N4BP2: variants seen among roughly 807,000 people sequenced by gnomAD.
N4BP2 encodes NEDD4-binding protein 2.
A neutral mutation model predicts 152.8 loss-of-function variants in N4BP2; 91 were observed. The observed-to-expected ratio is 0.60, with a 90% CI of 0.50 to 0.71. N4BP2 has a LOEUF of 0.71. N4BP2 is among the 30% of genes least tolerant of loss of function. N4BP2 has a pLI of 0.00. For missense variants in N4BP2, 1,923 were observed against 2,059.1 expected (o/e 0.93, Z 1.28); for synonymous variants, 646 against 705.3 (o/e 0.92, Z 1.33).
intron 4 of N4BP2, among the ~76,000 whole-genome samples, chr4:40,104,203 C>T (rs1322821313): frequency 4.0e-5 from 6 of 151,790 alleles, no homozygotes; most frequent in Non-Finnish European, 8.8e-5. Flanking sequence ...CCACCCGCCC[C>T]GGCCTCCCAA....
chr4:40,141,416 G>A (rs1719944542), intron 14 of N4BP2, among the ~76,000 whole-genome samples: 4 of 151,454 alleles, frequency 2.6e-5, no homozygotes, highest in African/African-American at 2.4e-5. Context: ...ACGGGGTCGC[G>A]GCCGGGTAGA....
chr4:40,145,373 G>A (rs1020648955), intron 16 of N4BP2, among the ~76,000 whole-genome samples: 1 of 152,110 alleles, frequency 6.6e-6, no homozygotes, highest in African/African-American at 2.4e-5. Context: ...ACAGGCGGGT[G>A]TCACCAAGCC....
intron 2 of N4BP2, among the ~76,000 whole-genome samples, chr4:40,085,202 C>T (rs1459559848): frequency 1.3e-5 from 2 of 152,088 alleles, no homozygotes; most frequent in Non-Finnish European, 2.9e-5. Flanking sequence ...TGAGCTACCA[C>T]ACCCGGCCAA....
intron 1 of N4BP2, among the ~76,000 whole-genome samples, chr4:40,062,484 T>TA (rs201450840): frequency 1.3e-5 from 2 of 152,058 alleles, no homozygotes; most frequent in African/African-American, 4.8e-5. Flanking sequence ...GTAGCTAGAG[T>TA]AATCTGTCTA....
chr4:40,087,415 G>A (rs1275238872), intron 2 of N4BP2, among the ~76,000 whole-genome samples: 1 of 152,032 alleles, frequency 6.6e-6, no homozygotes, highest in Admixed American at 6.6e-5. Flanking sequence ...CTAGGCTGGA[G>A]AGCAGTGGCT....
chr4:40,150,173 TA>T (rs1721011845), intron 16 of N4BP2, among the ~76,000 whole-genome samples: 3 of 152,200 alleles, frequency 2.0e-5, no homozygotes, highest in Non-Finnish European at 4.4e-5. Context: ...ATGAATTTTT[TA>T]AAAAAGAGAG....
the N4BP2 span, among the ~76,000 whole-genome samples, chr4:40,179,046 C>T: frequency 6.6e-6 from 1 of 152,024 alleles, no homozygotes; most frequent in Admixed American, 6.6e-5. Flanking sequence ...ATTTGTGGAG[C>T]ATTTATTTAT....
Position 40,065,971 on chromosome 4 carries a change from G to A in N4BP2, c.-211-7484G>A, listed in dbSNP as rs1170555485. Among the ~76,000 whole-genome samples the A allele has an allele frequency of 3.3e-5, 5 of 151,694 alleles. No individual in the cohort carries two copies. The East Asian group carries it at 7.8e-4, about 24-fold the overall frequency. On this transcript the variant is annotated intron_variant, in intron 1 of 17. Transcript: ENST00000261435. ...TCTTGAGATGGAGTCTAGATCTGTC[G>A]ACAGGCTGGAGTGCAGTGGCGTGAT... is the stretch of plus-strand genomic sequence containing the variant.
intron 13 of N4BP2, among the ~76,000 whole-genome samples, chr4:40,135,189 A>C (rs968180003): frequency 2.7e-5 from 4 of 148,716 alleles, no homozygotes; most frequent in African/African-American, 9.9e-5. Flanking sequence ...ATGAGTGAGA[A>C]TATACGGTGT....
At chr4:40,086,972 C>A (rs1291909986) in intron 2 of N4BP2, among the ~76,000 whole-genome samples, 1 of 152,060 alleles carries the variant, frequency 6.6e-6, no homozygotes, top group Non-Finnish European at 1.5e-5. Flanking sequence ...TGGTTTCGAA[C>A]TCCTGGACTC....
At chr4:40,154,104 C>T (rs146438206) in intron 17 of N4BP2, 88 bp from the exon 18 acceptor site, 9 of 873,596 alleles carry the variant, frequency 1.0e-5, no homozygotes, top group African/African-American at 3.4e-5. Context: ...TTATATTAAG[C>T]GTAGGTACTT....
intron 2 of N4BP2, among the ~76,000 whole-genome samples, chr4:40,087,645 C>T (rs1356541786): frequency 6.6e-6 from 1 of 151,954 alleles, no homozygotes; most frequent in African/African-American, 2.4e-5. Context: ...ATTACAGGCA[C>T]GAGCCACCTT....
the N4BP2 span, among the ~76,000 whole-genome samples, chr4:40,170,535 G>A: frequency 3.3e-5 from 5 of 152,256 alleles, no homozygotes; most frequent in African/African-American, 1.2e-4. Context: ...CTACTTGTGG[G>A]GTGCTGAGAC....
chr4:40,083,307 C>T (rs1263094830), intron 2 of N4BP2, among the ~76,000 whole-genome samples: 2 of 151,996 alleles, frequency 1.3e-5, no homozygotes, highest in African/African-American at 2.4e-5. Context: ...ATAGAGTTAC[C>T]GTATGAACTA....
rs1420846408 is a variant in N4BP2 at position 40,155,606 on chromosome 4, A to G, written c.*1369A>G. 1 of 152,170 alleles carries G rather than the reference A, an allele frequency of 6.6e-6. No individual in the cohort carries two copies. The highest frequency in any genetic ancestry group is 2.4e-5 in the African/African-American group (1 of 41,424). The allele number at this position is 152,170 out of a possible 1,614,324, so 9.4% of individuals were successfully genotyped here. ...AGGAGGTTATAATGTGGTAAGGTAT[A>G]ATTTTCCAATATGAGACAATGGCTT... On this transcript the variant is annotated 3_prime_UTR_variant, in exon 18 of 18. Coordinates refer to ENST00000261435, the MANE Select transcript of N4BP2 (RefSeq NM_018177.6).
the N4BP2 span, among the ~76,000 whole-genome samples, chr4:40,173,310 C>T: frequency 1.3e-5 from 2 of 152,122 alleles, no homozygotes; most frequent in South Asian, 2.1e-4. Flanking sequence ...CTGGAAAGCA[C>T]CCCATGATCA....
At chr4:40,147,180 T>C (rs1249551831) in intron 16 of N4BP2, among the ~76,000 whole-genome samples, 1 of 150,596 alleles carries the variant, frequency 6.6e-6, no homozygotes, top group Non-Finnish European at 1.5e-5. Context: ...TTAATCCATT[T>C]AACCCTGAGT....
At chr4:40,132,479 C>G (rs1389897811) in intron 13 of N4BP2, among the ~76,000 whole-genome samples, 1 of 151,982 alleles carries the variant, frequency 6.6e-6, no homozygotes, top group African/African-American at 2.4e-5. Context: ...AATGACTAAC[C>G]AAATGAATGG....
At chr4:40,068,329 A>C (rs1454319345) in intron 1 of N4BP2, among the ~76,000 whole-genome samples, 3 of 152,130 alleles carry the variant, frequency 2.0e-5, no homozygotes, top group Non-Finnish European at 4.4e-5. Flanking sequence ...TTTGATGTCC[A>C]TTTTGTCTAT....
Sources: allele counts gnomAD v4.1 joint callset (sites outside exome capture counted in the v4.1 genomes callset), GRCh38; gene constraint gnomAD v4.1.1; transcripts MANE v1.5; gene names NCBI Gene and HGNC (gene_info 2026-07-23, HGNC 2026-07-21).